DNTTIP1: variants seen among roughly 807,000 people sequenced by gnomAD.
The protein encoded by DNTTIP1 is deoxynucleotidyltransferase terminal interacting protein 1, also known as deoxynucleotidyltransferase terminal-interacting protein 1.
Under a neutral mutation model 52.9 loss-of-function variants are expected in DNTTIP1, and 22 were observed. The observed-to-expected ratio is 0.42, with a 90% confidence interval of 0.30 to 0.59. The LOEUF is 0.59. Ranked by LOEUF, DNTTIP1 falls within the 20% of genes least tolerant of loss-of-function variation. The pLI is 0.22. For missense variants in DNTTIP1, 286 were observed against 435.5 expected (o/e 0.66, Z 3.06); for synonymous variants, 136 against 155.1 (o/e 0.88, Z 0.92).
At chr20:45,808,096 C>T (rs917751357) in intron 10 of DNTTIP1, among the ~76,000 whole-genome samples, 2 of 151,816 alleles carry the variant, frequency 1.3e-5, no homozygotes, top group African/African-American at 2.4e-5. Context: ...CCTGTAATCC[C>T]AACACTTTGG....
chr20:45,794,162 T>C (rs1981148786), intron 3 of DNTTIP1, 145 bp downstream of exon 3: 1 of 498,022 alleles, frequency 2.0e-6, no homozygotes, highest in African/African-American at 2.0e-5. Context: ...TTGTTTTGTG[T>C]TTTTGAGACA....
intron 4 of DNTTIP1, among the ~76,000 whole-genome samples, chr20:45,800,694 AATATATATATATATAT>A (rs1158615012): frequency 0.035 from 573 of 16,404 alleles, 47 homozygotes; most frequent in Middle Eastern, 0.11. Context: ...AAAAAAAAAA[AATATATATATATATAT>A]ATATATATAT....
intron 4 of DNTTIP1, 52 bp from the exon 5 acceptor site, chr20:45,801,022 G>A: frequency 6.8e-7 from 1 of 1,478,782 alleles, no homozygotes; most frequent in East Asian, 2.3e-5. Flanking sequence ...TAGGTAGGGT[G>A]TGCTTACCCA....
chr20:45,799,472 G>A (rs1981351869), intron 4 of DNTTIP1, among the ~76,000 whole-genome samples: 1 of 152,188 alleles, frequency 6.6e-6, no homozygotes, highest in Non-Finnish European at 1.5e-5. Flanking sequence ...AAATGAGCCA[G>A]GTGTTCCCAC....
At chr20:45,799,952 C>CA (rs11360135) in intron 4 of DNTTIP1, among the ~76,000 whole-genome samples, 3,316 of 125,464 alleles carry the variant, frequency 0.026, 95 homozygotes, top group African/African-American at 0.059. Context: ...CTAAAAATAC[C>CA]AAAAAAAAAA....
intron 4 of DNTTIP1, among the ~76,000 whole-genome samples, chr20:45,800,126 A>G (rs1200486469): frequency 6.6e-6 from 1 of 151,888 alleles, no homozygotes; most frequent in Non-Finnish European, 1.5e-5. Flanking sequence ...TGTCAAAAAA[A>G]AAAAGAAAAA....
In DNTTIP1 at chr20:45,801,441, A is replaced by G. The variant is rs1951927727; in HGVS notation, c.481A>G (p.Ser161Gly). ...AGAAGAAGAATGTGCCCATCGAGGA[A>G]GCCCCCTTCCTAAAAAGGTAAACCA... ...QAEEECAHRGSPLPKKRKGRP... is the reference protein window; with the variant it reads ...QAEEECAHRGGPLPKKRKGRP... The change falls in exon 6 of 13, where the codon AGC becomes GGC. Residue 161 changes from serine to glycine, a missense_variant. Ser to Gly is a moderately conservative substitution (Grantham distance 56). Coordinates refer to ENST00000372622, the MANE Select transcript of DNTTIP1 (RefSeq NM_052951.3). The G allele has an allele frequency of 1.2e-6, 2 of 1,614,042 alleles. No homozygotes were observed. The highest frequency in any genetic ancestry group is 2.7e-5 in the African/African-American group (2 of 74,924).
chr20:45,799,979 G>T (rs1291404084), intron 4 of DNTTIP1, among the ~76,000 whole-genome samples: 1 of 151,350 alleles, frequency 6.6e-6, no homozygotes, highest in Non-Finnish European at 1.5e-5. Flanking sequence ...AAAATTAGCT[G>T]GGTGTGGTTG....
chr20:45,796,721 T>A, intron 4 of DNTTIP1: 2 of 366,250 alleles, frequency 5.5e-6, no homozygotes, highest in Admixed American at 6.6e-5. Context: ...TTCTCTTCAC[T>A]TTGTTTTCGC....
chr20:45,796,388 A>C (rs372712227), intron 4 of DNTTIP1: 576 of 30,814 alleles, frequency 0.019, 4 homozygotes, highest in African/African-American at 0.044. Context: ...AAAGCAAAGC[A>C]AAAAAAAAAA....
At chr20:45,794,557 C>T (rs1385207069) in intron 3 of DNTTIP1, among the ~76,000 whole-genome samples, 3 of 151,532 alleles carry the variant, frequency 2.0e-5, no homozygotes, top group East Asian at 3.9e-4. Flanking sequence ...TTTTTGCTGA[C>T]CTCTTATAAG....
chr20:45,809,857 GA>G lies in DNTTIP1; in HGVS notation c.795+673del, dbSNP rs1363385636. Among the ~76,000 whole-genome samples, 2 of 152,126 alleles carry G rather than the reference GA, an allele frequency of 1.3e-5. No individual in the cohort carries two copies. The highest frequency in any genetic ancestry group is 2.9e-5 in the Non-Finnish European group (2 of 68,030). On this transcript the variant is annotated intron_variant, in intron 11 of 12. Coordinates refer to ENST00000372622, the MANE Select transcript of DNTTIP1 (RefSeq NM_052951.3). The surrounding 1 kb of genome is among the most constrained non-coding windows in gnomAD (Gnocchi z 4.2). ...TATGCCATCTCCTTTCTGGCAGTGA[GA>G]GCTACCTTTTATTTTATTTTACTAC...
Position 45,803,744 on chromosome 20 carries a change from A to T in DNTTIP1, c.603+366A>T, listed in dbSNP as rs1456180646. 3.3e-5 allele frequency among the ~76,000 whole-genome samples: 5 copies of T among 152,198 alleles called. No homozygotes were observed. In the East Asian group the frequency reaches 9.6e-4, roughly 29 times the overall value. On this transcript the variant is annotated intron_variant, in intron 8 of 12. Coordinates refer to ENST00000372622, the MANE Select transcript of DNTTIP1 (RefSeq NM_052951.3). ...GATCAATTCTGTGAACCATTCTATA[A>T]ATGAGGCGTTTCCTTTTCTGCCAGC...
At chr20:45,808,852 C>A (rs1381709671) in intron 10 of DNTTIP1, among the ~76,000 whole-genome samples, 1 of 152,100 alleles carries the variant, frequency 6.6e-6, no homozygotes, top group Admixed American at 6.5e-5. Flanking sequence ...AGTTATCAGT[C>A]CCACCAGTTG....
intron 2 of DNTTIP1, among the ~76,000 whole-genome samples, chr20:45,793,422 G>A (rs929432664): frequency 6.6e-6 from 1 of 152,086 alleles, no homozygotes. Context: ...AAAATTGGCC[G>A]GGCGCGGTGG....
chr20:45,794,328 T>C (rs1981155091), intron 3 of DNTTIP1, among the ~76,000 whole-genome samples: 1 of 152,042 alleles, frequency 6.6e-6, no homozygotes, highest in Non-Finnish European at 1.5e-5. Context: ...TTTGTATTTT[T>C]AGTAGAGACG....
At chr20:45,810,823 G>C (rs1001280343) in intron 11 of DNTTIP1, 62 bp from the exon 12 acceptor site, 20 of 1,473,450 alleles carry the variant, frequency 1.4e-5, no homozygotes, top group Non-Finnish European at 1.9e-5. Flanking sequence ...GTTTAATGAA[G>C]TGTTACTGAG....
chr20:45,804,840 C>T (rs1220437722), intron 8 of DNTTIP1, among the ~76,000 whole-genome samples: 1 of 152,172 alleles, frequency 6.6e-6, no homozygotes. Context: ...CCTGGCTGGA[C>T]CCTCCCCTCG....
chr20:45,805,482 T>C, intron 10 of DNTTIP1, 116 bp downstream of exon 10: 1 of 1,129,642 alleles, frequency 8.9e-7, no homozygotes. Flanking sequence ...ATCTGGGTTC[T>C]AGTTGTGCCT....
Sources: gnomAD v4.1 joint callset for allele counts (sites outside exome capture counted in the v4.1 genomes callset) on GRCh38, gnomAD v4.1.1 for gene constraint, Gnocchi (gnomAD v3.1) non-coding constraint, MANE v1.5 for transcripts, NCBI Gene and HGNC (gene_info 2026-07-23, HGNC 2026-07-21) for gene names.